ITPKB: variants seen among roughly 807,000 people sequenced by gnomAD.
The protein encoded by ITPKB is IP3 3-kinase B.
A neutral mutation model predicts 69.4 loss-of-function variants in ITPKB; 13 were observed. The observed-to-expected ratio is 0.19, with a 90% CI of 0.12 to 0.30. ITPKB has a LOEUF of 0.30. Among genes scored for constraint, ITPKB ranks in the 10% least tolerant of loss-of-function variants. ITPKB has a pLI of 1.00. For missense variants in ITPKB, 1,240 were observed against 1,250.5 expected (o/e 0.99, Z 0.13); for synonymous variants, 584 against 513.7 (o/e 1.14, Z -1.85).
chr1:226,663,653 G>A, intron 2 of ITPKB, among the ~76,000 whole-genome samples: 1 of 152,012 alleles, frequency 6.6e-6, no homozygotes, highest in Non-Finnish European at 1.5e-5. Context: ...CCTAGTAGCT[G>A]GGACTATATG....
intron 2 of ITPKB, among the ~76,000 whole-genome samples, chr1:226,680,941 C>T (rs1346980232): frequency 6.6e-6 from 1 of 152,192 alleles, no homozygotes; most frequent in African/African-American, 2.4e-5. Flanking sequence ...TGTTCTTTCA[C>T]GTTGCTAAGA....
intron 2 of ITPKB, among the ~76,000 whole-genome samples, chr1:226,718,510 A>C (rs1358310228): frequency 2.0e-5 from 3 of 152,032 alleles, no homozygotes; most frequent in Admixed American, 6.6e-5. Context: ...CTAAGGCGGG[A>C]GGATCCCTTG....
rs1344957618 is a variant in ITPKB at position 226,632,659 on chromosome 1, A to C, written c.*2012T>G. ...CCCATGGGCCTCCTTTAATAAGCAC[A>C]TCATTTGCATATTAGCACATTGTTT... On this transcript the variant is annotated 3_prime_UTR_variant, in exon 8 of 8. Transcript: ENST00000429204. The C allele has an allele frequency of 6.5e-6, 1 of 152,684 alleles. No homozygotes were observed. The highest frequency in any genetic ancestry group is 2.4e-5 in the African/African-American group (1 of 41,468). 9.5% of individuals were successfully genotyped at this position (152,684 alleles called of 1,614,324 possible).
At chr1:226,649,362 A>G (rs12405166) in intron 2 of ITPKB, among the ~76,000 whole-genome samples, 6 of 120,734 alleles carry the variant, frequency 5.0e-5, no homozygotes, top group Admixed American at 1.7e-4. Flanking sequence ...ATATATGTGC[A>G]TGTGTGCATG....
chr1:226,694,124 A>G (rs77133845), intron 2 of ITPKB, among the ~76,000 whole-genome samples: 3,726 of 152,340 alleles, frequency 0.024, 74 homozygotes, highest in Non-Finnish European at 0.035. Context: ...ATCACTAAAA[A>G]TATACATGTG....
chr1:226,662,426 G>A (rs1669419290), intron 2 of ITPKB, among the ~76,000 whole-genome samples: 1 of 152,214 alleles, frequency 6.6e-6, no homozygotes, highest in African/African-American at 2.4e-5. Context: ...TTCTTTTTCA[G>A]AGATTCCTGA....
chr1:226,716,798 C>G (rs1411254185), intron 2 of ITPKB, among the ~76,000 whole-genome samples: 1 of 152,192 alleles, frequency 6.6e-6, no homozygotes, highest in Non-Finnish European at 1.5e-5. Context: ...GGGTGGAAAG[C>G]CTGTGGTCAT....
chr1:226,650,336 C>T (rs757010175), intron 2 of ITPKB, among the ~76,000 whole-genome samples: 3 of 152,204 alleles, frequency 2.0e-5, no homozygotes, highest in Non-Finnish European at 4.4e-5. Context: ...CTCACCCCAC[C>T]GCCAAGACCA....
At chr1:226,711,486 G>C (rs1656959261) in intron 2 of ITPKB, among the ~76,000 whole-genome samples, 1 of 150,868 alleles carries the variant, frequency 6.6e-6, no homozygotes. Context: ...GTTGCACAAT[G>C]GCAAATAGTG....
At chr1:226,722,503 C>T (rs1008689037) in intron 2 of ITPKB, among the ~76,000 whole-genome samples, 2 of 152,206 alleles carry the variant, frequency 1.3e-5, no homozygotes, top group Non-Finnish European at 2.9e-5. Context: ...CAGTGTAATA[C>T]CGCAAGGTAA....
rs746790634 is a variant in ITPKB, at chr1:226,634,751, G to A, written c.2761C>T (p.Arg921Trp). 1 of 1,308,808 alleles carries A rather than the reference G, an allele frequency of 7.6e-7. No individual in the cohort carries two copies. The highest frequency in any genetic ancestry group is 1.1e-6 in the Non-Finnish European group (1 of 901,466). The allele number at this position is 1,308,808 out of a possible 1,614,324, so 81.1% of individuals were successfully genotyped here. A position where few individuals can be genotyped will look rare whatever the true frequency, so the allele number is the denominator to read the frequency against. The change falls in exon 8 of 8, where the codon CGG becomes TGG. Residue 921 changes from arginine to tryptophan, a missense_variant. This residue lies in a region of ITPKB where 248 missense variants were observed against 396.7 expected (regional missense o/e 0.63). Coordinates refer to ENST00000429204, the MANE Select transcript of ITPKB (RefSeq NM_002221.4). The surrounding 1 kb of genome is among the most constrained non-coding windows in gnomAD (Gnocchi z 6.3). ...AGCCCCGAGAGGTAGCCATCCTCCC[G>A]GTTCCCCTCCTGCCAGGGGACGTCA... ...QHDVPWQEGN[R>W]EDGYLSGLNN...
chr1:226,711,778 G>C (rs1228478558), intron 2 of ITPKB, among the ~76,000 whole-genome samples: 9 of 152,064 alleles, frequency 5.9e-5, no homozygotes, highest in Non-Finnish European at 1.2e-4. Flanking sequence ...CTCATACTTA[G>C]CATCCCTCAC....
At chr1:226,640,391 C>T (rs1668933784) in intron 5 of ITPKB, among the ~76,000 whole-genome samples, 1 of 152,230 alleles carries the variant, frequency 6.6e-6, no homozygotes, top group African/African-American at 2.4e-5. Context: ...AGTACTTCAG[C>T]TGTGTCCTCA....
Position 226,735,906 on chromosome 1 carries a change from A to G in ITPKB, c.1553T>C (p.Leu518Ser). 1 of 1,613,528 alleles carries G rather than the reference A, an allele frequency of 6.2e-7. No individual in the cohort carries two copies. The highest frequency in any genetic ancestry group is 8.5e-7 in the Non-Finnish European group (1 of 1,179,578). ...CACCCCTGTGCCACGCGTCCAAGCC[A>G]AACCGGCTTTCTCCATGGTGCCCTG... is the stretch of plus-strand genomic sequence containing the variant. ...VWQGTMEKAG[L>S]AWTRGTGVQS... The change falls in exon 2 of 8, where the codon TTG becomes TCG. Residue 518 changes from leucine (L) to serine (S), a missense_variant. This residue lies in a region of ITPKB where 992 missense variants were observed against 853.8 expected (regional missense o/e 1.16). Transcript: ENST00000429204.
intron 2 of ITPKB, among the ~76,000 whole-genome samples, chr1:226,669,866 TG>T (rs1398023742): frequency 4.0e-5 from 6 of 151,672 alleles, no homozygotes; most frequent in South Asian, 2.1e-4. Flanking sequence ...TTTTTTGGTT[TG>T]TTTTTTTTTT....
At chr1:226,667,857 C>T (rs60827005) in intron 2 of ITPKB, among the ~76,000 whole-genome samples, 6,223 of 109,646 alleles carry the variant, frequency 0.057, 407 homozygotes, top group African/African-American at 0.18. Flanking sequence ...TGTGTGTGCG[C>T]GCGCGCGTGC....
intron 2 of ITPKB, among the ~76,000 whole-genome samples, chr1:226,720,240 A>G (rs1199048794): frequency 6.6e-6 from 1 of 152,204 alleles, no homozygotes; most frequent in African/African-American, 2.4e-5. Context: ...GGGGTCCAGT[A>G]TTTCCACGGC....
chr1:226,652,725 T>A (rs1422471310), intron 2 of ITPKB, among the ~76,000 whole-genome samples: 1 of 152,162 alleles, frequency 6.6e-6, no homozygotes, highest in Non-Finnish European at 1.5e-5. Context: ...CACCTCCCAG[T>A]CATCAGGGGA....
rs1159612221 is a variant in ITPKB at position 226,637,182 on chromosome 1, C to G, written c.2625+497G>C. Among the ~76,000 whole-genome samples the G allele has an allele frequency of 2.0e-5, 3 of 152,214 alleles. No homozygotes were observed. The highest frequency in any genetic ancestry group is 7.2e-5 in the African/African-American group (3 of 41,464). On this transcript the variant is annotated intron_variant, in intron 7 of 7. Transcript: ENST00000429204. This position sits in a 1 kb window ranked among gnomAD's most constrained non-coding sequence, Gnocchi z 4.3. ...TGCCGACACCTCCCAGAGCCTCTCT[C>G]AGGTGTCTCAGTTCCCCACCTGCTG...
Sources: allele counts gnomAD v4.1 joint callset (sites outside exome capture counted in the v4.1 genomes callset), GRCh38; gene constraint gnomAD v4.1.1; regional missense constraint gnomAD v4.1.1; non-coding constraint Gnocchi (gnomAD v3.1); transcripts MANE v1.5; gene names NCBI Gene and HGNC (gene_info 2026-07-23, HGNC 2026-07-21).